GNAL: variants seen among roughly 807,000 people sequenced by gnomAD.
GNAL encodes the protein guanine nucleotide-binding protein G(olf) subunit alpha.
In GNAL, 18 loss-of-function variants were observed where a neutral mutation model predicts 55.1. The ratio of observed to expected loss-of-function variants is 0.33; its 90% CI spans 0.23 to 0.48. The LOEUF is 0.48. GNAL is among the 20% of genes least tolerant of loss of function. GNAL has a pLI of 0.99. For missense variants in GNAL, 412 were observed against 614.1 expected (o/e 0.67, Z 3.48); for synonymous variants, 253 against 237.0 (o/e 1.07, Z -0.62).
chr18:11,716,669 G>A lies in GNAL; in HGVS notation c.376+26730G>A, dbSNP rs2031973896. ...CCACCAGATTAGCTAGATATAGAGT[G>A]TCCACACGAAGGTTCTCCAAGTACC... On this transcript the variant is annotated intron_variant, in intron 1 of 11. Transcript: ENST00000334049. 2.0e-5 allele frequency among the ~76,000 whole-genome samples: 3 copies of A among 152,164 alleles called. No individual in the cohort carries two copies. The South Asian group carries it at 6.2e-4, about 31-fold the overall frequency.
intron 10 of GNAL, among the ~76,000 whole-genome samples, chr18:11,873,811 C>T (rs897499072): frequency 6.6e-6 from 1 of 152,184 alleles, no homozygotes; most frequent in African/African-American, 2.4e-5. Context: ...CGCCTCTTGC[C>T]ACCTCCTGTC....
At chr18:11,692,772 G>T (rs1189743492) in intron 1 of GNAL, among the ~76,000 whole-genome samples, 4 of 151,646 alleles carry the variant, frequency 2.6e-5, no homozygotes, top group South Asian at 2.1e-4. Context: ...ACGAAAATTA[G>T]CTGGGTGGTG....
In GNAL at chr18:11,726,766, C is replaced by T. The variant is rs114005051; in HGVS notation, c.377-26087C>T. 8.0e-3 allele frequency among the ~76,000 whole-genome samples: 1,211 copies of T among 152,290 alleles called. 17 individuals are homozygous for T. The highest frequency in any genetic ancestry group is 0.027 in the African/African-American group (1,130 of 41,558). ...ACCATGAGTCAAAGCATGAGATTCA[C>T]CATCAAAAACAGACAGGTAGTGTTA... On this transcript the variant is annotated intron_variant, in intron 1 of 11. Coordinates refer to ENST00000334049, the MANE Select transcript of GNAL (RefSeq NM_182978.4).
At chr18:11,713,555 C>CAG (rs2031885611) in intron 1 of GNAL, among the ~76,000 whole-genome samples, 1 of 152,174 alleles carries the variant, frequency 6.6e-6, no homozygotes, top group Non-Finnish European at 1.5e-5. Flanking sequence ...TAATAGGTTG[C>CAG]CATCCTAGGC....
In GNAL at chr18:11,822,431, C is replaced by T. The variant is rs148672933; in HGVS notation, c.625-2487C>T. Among the ~76,000 whole-genome samples, 324 of 152,252 alleles carry T rather than the reference C, an allele frequency of 2.1e-3. 3 individuals are homozygous for T. Among genetic ancestry groups the T allele is most frequent in the African/African-American group, 7.1e-3 (293 of 41,538 alleles). On this transcript the variant is annotated intron_variant, in intron 4 of 11. Transcript: ENST00000334049. Reference sequence around the variant, plus strand: ...ACCAGCTTGGGCAACATGGTAAAACCCCGTCTCTAGGAAAATACAAAAATT... The same window carrying T: ...ACCAGCTTGGGCAACATGGTAAAACTCCGTCTCTAGGAAAATACAAAAATT...
At chr18:11,838,126 G>A (rs1051364153) in intron 5 of GNAL, among the ~76,000 whole-genome samples, 5 of 151,982 alleles carry the variant, frequency 3.3e-5, no homozygotes, top group Non-Finnish European at 7.4e-5. Context: ...ATGAGACCCA[G>A]TCTCAAAAAA....
chr18:11,817,817 G>A (rs2143609506), intron 4 of GNAL, among the ~76,000 whole-genome samples: 1 of 151,752 alleles, frequency 6.6e-6, no homozygotes, highest in East Asian at 1.9e-4. Context: ...TCGAACTCCT[G>A]GGCTCTGGTG....
At position 11,689,757 on chromosome 18, in the gene GNAL, G is replaced by A. The variant is rs1005314490; in HGVS notation, c.194G>A (p.Arg65Gln). The A allele has an allele frequency of 1.1e-5, 17 of 1,512,198 alleles. No homozygotes were observed. Among genetic ancestry groups the A allele is most frequent in the East Asian group, 2.8e-5 (1 of 36,078 alleles). 93.7% of individuals were successfully genotyped at this position (1,512,198 alleles called of 1,614,324 possible). ...RGGEGSPACARPKADKPKEKR... is the reference protein window; with the variant it reads ...RGGEGSPACAQPKADKPKEKR... The stretch of plus-strand genomic sequence containing the variant: ...GGCGAAGGGAGCCCGGCATGCGCTC[G>A]GCCCAAAGCAGACAAGCCGAAGGAG... The change falls in exon 1 of 12, where the codon CGG becomes CAG. Residue 65 changes from arginine to glutamine, a missense_variant. Transcript: ENST00000334049.
intron 4 of GNAL, among the ~76,000 whole-genome samples, chr18:11,799,460 G>T (rs2034467086): frequency 6.6e-6 from 1 of 152,090 alleles, no homozygotes; most frequent in Admixed American, 6.6e-5. Flanking sequence ...GGGTATAATA[G>T]GGTCACTGTC....
intron 4 of GNAL, among the ~76,000 whole-genome samples, chr18:11,798,374 C>T (rs1430873723): frequency 6.6e-6 from 1 of 152,150 alleles, no homozygotes; most frequent in Non-Finnish European, 1.5e-5. Flanking sequence ...TAGTTAATGG[C>T]AGTATGTCAC....
At chr18:11,861,746 C>T (rs1023455754) in intron 5 of GNAL, among the ~76,000 whole-genome samples, 41 of 152,166 alleles carry the variant, frequency 2.7e-4, no homozygotes, top group African/African-American at 9.7e-4. Flanking sequence ...CCCATCCTGC[C>T]TTGTGTGGGA....
intron 11 of GNAL, among the ~76,000 whole-genome samples, 160 bp from the exon 12 acceptor site, chr18:11,880,829 C>A (rs934252967): frequency 2.0e-5 from 3 of 152,068 alleles, no homozygotes; most frequent in South Asian, 4.1e-4. Context: ...GGTCCTCGGC[C>A]GATGCTTGCA....
intron 1 of GNAL, among the ~76,000 whole-genome samples, chr18:11,700,986 G>T (rs976411546): frequency 5.3e-5 from 8 of 152,210 alleles, no homozygotes; most frequent in Admixed American, 4.6e-4. Flanking sequence ...TCTCTCAGGA[G>T]CCCGCTCTGT....
chr18:11,823,973 A>G (rs1568043703), intron 4 of GNAL, among the ~76,000 whole-genome samples: 1 of 152,216 alleles, frequency 6.6e-6, no homozygotes. Flanking sequence ...CTTGCTTGCC[A>G]TAATAATAGG....
At chr18:11,794,646 A>G (rs1208937703) in intron 4 of GNAL, among the ~76,000 whole-genome samples, 1 of 152,024 alleles carries the variant, frequency 6.6e-6, no homozygotes, top group African/African-American at 2.4e-5. Context: ...ATGCCTTTCA[A>G]CTAGAGGGGC....
intron 1 of GNAL, among the ~76,000 whole-genome samples, chr18:11,735,429 A>T (rs1363658286): frequency 6.6e-6 from 1 of 152,162 alleles, no homozygotes; most frequent in African/African-American, 2.4e-5. Context: ...GGATCATTTA[A>T]ATAAGAGTAG....
At chr18:11,850,590 G>A (rs2035834875) in intron 5 of GNAL, among the ~76,000 whole-genome samples, 1 of 152,202 alleles carries the variant, frequency 6.6e-6, no homozygotes. Flanking sequence ...TGTGGGTCCT[G>A]ATATCTCAAC....
rs185964712 is a variant in GNAL, at chr18:11,877,523, A to G, written c.1230+835A>G. On this transcript the variant is annotated intron_variant, in intron 11 of 11. Transcript: ENST00000334049. ...ACCAATTGGCAAAAATTTGCCACAT[A>G]TGCTTTATCTGTCTATATGATTTTC... is the stretch of plus-strand genomic sequence containing the variant. 4.4e-3 allele frequency among the ~76,000 whole-genome samples: 673 copies of G among 152,350 alleles called. 1 individual carries two copies. The highest frequency in any genetic ancestry group is 7.0e-3 in the Non-Finnish European group (476 of 68,030).
chr18:11,847,199 C>G (rs1470614267), intron 5 of GNAL, among the ~76,000 whole-genome samples: 1 of 151,974 alleles, frequency 6.6e-6, no homozygotes, highest in African/African-American at 2.4e-5. Context: ...AGGTAGTCAA[C>G]CAGAGGTCAC....
Sources: gnomAD v4.1 joint callset for allele counts (sites outside exome capture counted in the v4.1 genomes callset) on GRCh38, gnomAD v4.1.1 for gene constraint, MANE v1.5 for transcripts, NCBI Gene and HGNC (gene_info 2026-07-23, HGNC 2026-07-21) for gene names.